Variants in LTN1 observed in about 807,000 individuals in gnomAD.
LTN1 encodes the protein E3 ubiquitin-protein ligase listerin.
LTN1 carries 88 observed loss-of-function variants against 201.2 expected under a neutral mutation model. That is an observed-to-expected ratio of 0.44 (90% confidence interval 0.37 to 0.52). LTN1 has a LOEUF of 0.52. Ranked by LOEUF, LTN1 falls within the 20% of genes least tolerant of loss-of-function variation. The pLI is 0.00. For missense variants in LTN1, 1,752 were observed against 2,038.7 expected, an observed-to-expected ratio of 0.86 and a Z score of 2.71; for synonymous variants, 645 against 713.5, an observed-to-expected ratio of 0.90 and a Z score of 1.53.
chr21:28,933,675 CTCTTT>C (rs1448821353), intron 27 of LTN1, among the ~76,000 whole-genome samples: 54 of 145,290 alleles, frequency 3.7e-4, no homozygotes, highest in Admixed American at 8.9e-4. Flanking sequence ...CTCTCTCTCT[CTCTTT>C]TTTTTTTTTT....
In LTN1 at chr21:28,943,256, C is replaced by G. The variant is rs577647135; in HGVS notation, c.4295+6G>C. On this transcript the variant is annotated splice_donor_region_variant and intron_variant, in intron 24 of 29. Transcript: ENST00000361371. ...TAATAAAACAAATTATTTAAAAAAA[C>G]CTTACAAGGCTGGCTCTTCTTCTTC... The G allele has an allele frequency of 1.3e-6, 2 of 1,575,120 alleles. No individual in the cohort carries two copies. Among genetic ancestry groups the G allele is most frequent in the South Asian group, 1.1e-5 (1 of 88,490 alleles).
At chr21:28,964,852 T>C in intron 11 of LTN1, 1 of 1,411,802 alleles carries the variant, frequency 7.1e-7, no homozygotes. Flanking sequence ...AGGAGCTTTC[T>C]GATAATTTAG....
chr21:28,957,510 T>C, intron 14 of LTN1, 34 bp from the exon 15 acceptor site: 1 of 1,488,974 alleles, frequency 6.7e-7, no homozygotes, highest in Non-Finnish European at 9.0e-7. Flanking sequence ...ACTGTTGTAG[T>C]TACGCTATGA....
chr21:28,985,415 G>A (rs2084690653), intron 3 of LTN1, among the ~76,000 whole-genome samples: 1 of 150,350 alleles, frequency 6.7e-6, no homozygotes, highest in Non-Finnish European at 1.5e-5. Context: ...AACAGAGATC[G>A]CGCCACTGCA....
In LTN1 at chr21:28,981,158, C is replaced by A; in HGVS notation, c.771G>T (p.Gln257His). The A allele has an allele frequency of 6.3e-7, 1 of 1,585,014 alleles. No individual in the cohort carries two copies. Among genetic ancestry groups the A allele is most frequent in the Non-Finnish European group, 8.5e-7 (1 of 1,171,666 alleles). ...LEEKFKSLLS[Q>H]NKFWKYGKHS... Reference sequence around the variant, plus strand: ...GTTTTCCATACTTCCAAAACTTATTCTGTGATAAAAGAGACTTAAATTTCT... The same window carrying A: ...GTTTTCCATACTTCCAAAACTTATTATGTGATAAAAGAGACTTAAATTTCT... Residue 257 changes from glutamine to histidine, a missense_variant, in exon 6 of 30, where the codon CAG (glutamine) becomes CAT (histidine). By Grantham distance (24) the Gln-to-His change is conservative. Transcript: ENST00000361371.
chr21:28,967,219 T>C (rs1179972256), intron 9 of LTN1, 40 bp from the exon 10 acceptor site: 11 of 1,415,382 alleles, frequency 7.8e-6, no homozygotes, highest in Non-Finnish European at 9.7e-6. Flanking sequence ...ATATATTTGG[T>C]CTTCAACCCC....
At chr21:28,946,100 CTT>C in intron 20 of LTN1, 50 bp downstream of exon 20, 1 of 1,517,768 alleles carries the variant, frequency 6.6e-7, no homozygotes, top group South Asian at 1.2e-5. Context: ...GATACGTAAT[CTT>C]TGTCTGAATT....
At chr21:28,979,087 A>G (rs2084638902) in intron 6 of LTN1, among the ~76,000 whole-genome samples, 1 of 152,266 alleles carries the variant, frequency 6.6e-6, no homozygotes, top group Non-Finnish European at 1.5e-5. Context: ...ATATAAGGTT[A>G]TGTAGTAGCA....
chr21:28,985,296 C>G (rs1442509811), intron 3 of LTN1, among the ~76,000 whole-genome samples: 1 of 151,800 alleles, frequency 6.6e-6, no homozygotes, highest in Admixed American at 6.6e-5. Context: ...CCCGTCTCTA[C>G]TAAAAATACA....
At chr21:28,957,083 T>C (rs2084431618) in intron 15 of LTN1, 135 bp from the exon 16 acceptor site, 1 of 682,478 alleles carries the variant, frequency 1.5e-6, no homozygotes, top group East Asian at 2.8e-5. Context: ...CAGGAAATTA[T>C]CAACATGTGT....
intron 6 of LTN1, among the ~76,000 whole-genome samples, chr21:28,975,610 C>T (rs931051559): frequency 4.6e-5 from 7 of 152,098 alleles, no homozygotes; most frequent in Non-Finnish European, 8.8e-5. Context: ...ATGTTTCCCT[C>T]GTGTCCATGG....
At chr21:28,965,507 C>CCA (rs2084514163) in intron 11 of LTN1, among the ~76,000 whole-genome samples, 1 of 152,056 alleles carries the variant, frequency 6.6e-6, no homozygotes, top group Non-Finnish European at 1.5e-5. Flanking sequence ...AAAGCTAGAA[C>CCA]CTCCAATCCA....
chr21:28,980,994 T>C, intron 6 of LTN1, 125 bp downstream of exon 6: 1 of 519,100 alleles, frequency 1.9e-6, no homozygotes, highest in Non-Finnish European at 3.3e-6. Context: ...ATTCAGTAAA[T>C]GAATAGCCTA....
At chr21:28,974,259 T>G (rs557095518) in intron 6 of LTN1, among the ~76,000 whole-genome samples, 45 of 152,242 alleles carry the variant, frequency 3.0e-4, no homozygotes, top group African/African-American at 1.1e-3. Flanking sequence ...CTGGAAGAAA[T>G]CATTCATCAT....
intron 27 of LTN1, among the ~76,000 whole-genome samples, chr21:28,932,900 A>C (rs1287529311): frequency 6.6e-6 from 1 of 152,238 alleles, no homozygotes; most frequent in African/African-American, 2.4e-5. Context: ...TGCTCATAAA[A>C]AAGGTTTTAT....
In LTN1 at chr21:28,986,670, T is replaced by C; in HGVS notation, c.246+61A>G. On this transcript the variant is annotated intron_variant, in intron 2 of 29. Coordinates refer to ENST00000361371, the MANE Select transcript of LTN1 (RefSeq NM_015565.3). This position sits in a 1 kb window ranked among gnomAD's most constrained non-coding sequence, Gnocchi z 4.1. ...TTTTTCTTTACATAAAACATGCTAA[T>C]GACATTTTATTTTAACAAAGGGATT... is the stretch of plus-strand genomic sequence containing the variant. 1 of 1,274,332 alleles carries C rather than the reference T, an allele frequency of 7.8e-7. No individual in the cohort carries two copies. The highest frequency in any genetic ancestry group is 1.1e-6 in the Non-Finnish European group (1 of 884,576). The allele number at this position is 1,274,332 out of a possible 1,614,324, so 78.9% of individuals were successfully genotyped here. A position where few individuals can be genotyped will look rare whatever the true frequency, so the allele number is the denominator to read the frequency against.
chr21:28,981,351 A>G, intron 5 of LTN1, 52 bp from the exon 6 acceptor site: 3 of 992,330 alleles, frequency 3.0e-6, no homozygotes, highest in Non-Finnish European at 4.1e-6. Context: ...TAGCCAAACT[A>G]TATATCTGGT....
At chr21:28,985,032 A>C (rs2146317420) in intron 3 of LTN1, 110 bp from the exon 4 acceptor site, 2 of 650,536 alleles carry the variant, frequency 3.1e-6, no homozygotes, top group East Asian at 5.7e-5. Flanking sequence ...CTATGTATTA[A>C]GCTAAACTGA....
At chr21:28,973,826 G>A (rs1252410553) in intron 6 of LTN1, among the ~76,000 whole-genome samples, 2 of 152,156 alleles carry the variant, frequency 1.3e-5, no homozygotes, top group Non-Finnish European at 2.9e-5. Context: ...TGGGTGTAAG[G>A]ATAGACATAC....
Sources: allele counts gnomAD v4.1 joint callset (sites outside exome capture counted in the v4.1 genomes callset), GRCh38; gene constraint gnomAD v4.1.1; non-coding constraint Gnocchi (gnomAD v3.1); transcripts MANE v1.5; gene names NCBI Gene and HGNC (gene_info 2026-07-23, HGNC 2026-07-21).